Variants in NBAS observed in about 807,000 individuals in gnomAD.
NBAS encodes NBAS subunit of NRZ tethering complex, also known as NAG/BC035112 fusion.
In NBAS, 219 loss-of-function variants were observed where a neutral mutation model predicts 302.5. That is an observed-to-expected ratio of 0.72 (90% CI 0.65 to 0.81). The LOEUF is 0.81. NBAS is among the 30% of genes least tolerant of loss of function. The pLI, the probability that NBAS is intolerant of heterozygous loss-of-function variation, is 0.00. For missense variants in NBAS, 2,932 were observed against 2,841.6 expected, an observed-to-expected ratio of 1.03 and a Z score of -0.72; for synonymous variants, 1,118 against 1,021.6, an observed-to-expected ratio of 1.09 and a Z score of -1.80.
intron 38 of NBAS, among the ~76,000 whole-genome samples, chr2:15,323,913 A>G (rs1368518865): frequency 1.7e-3 from 152 of 90,702 alleles, no homozygotes; most frequent in African/African-American, 7.9e-3. Context: ...GTTTCTGAAA[A>G]AAAAAAAAAA....
At chr2:15,236,369 G>A (rs922553854) in intron 45 of NBAS, among the ~76,000 whole-genome samples, 4 of 151,616 alleles carry the variant, frequency 2.6e-5, no homozygotes, top group African/African-American at 9.7e-5. Flanking sequence ...GCAACATGGC[G>A]AAACTCTGTC....
At chr2:14,959,177 G>C in the NBAS span, among the ~76,000 whole-genome samples, 1 of 152,294 alleles carries the variant, frequency 6.6e-6, no homozygotes, top group African/African-American at 2.4e-5. Context: ...CAATGAAACT[G>C]TTCCCTCATC....
the NBAS span, among the ~76,000 whole-genome samples, chr2:14,988,523 C>T: frequency 6.6e-6 from 1 of 152,146 alleles, no homozygotes; most frequent in Non-Finnish European, 1.5e-5. Flanking sequence ...GGCTCCCTCC[C>T]TCATGAGGGA....
intron 8 of NBAS, among the ~76,000 whole-genome samples, chr2:15,535,129 A>T (rs1295082401): frequency 6.6e-6 from 1 of 152,244 alleles, no homozygotes; most frequent in Non-Finnish European, 1.5e-5. Flanking sequence ...CTTAGATAAA[A>T]GAGTACATAC....
chr2:14,798,257 A>T, the NBAS span, among the ~76,000 whole-genome samples: 2 of 152,182 alleles, frequency 1.3e-5, no homozygotes, highest in African/African-American at 4.8e-5. Context: ...AGATTGAGGA[A>T]GTTCCCTTTA....
At chr2:15,445,503 T>G (rs1678683171) in intron 21 of NBAS, among the ~76,000 whole-genome samples, 1 of 94,950 alleles carries the variant, frequency 1.1e-5, no homozygotes, top group South Asian at 4.4e-4. Context: ...TGGGGACTGT[T>G]GTGGGGTGGG....
At chr2:14,973,886 CA>C in the NBAS span, among the ~76,000 whole-genome samples, 2 of 152,160 alleles carry the variant, frequency 1.3e-5, no homozygotes, top group Non-Finnish European at 2.9e-5. Flanking sequence ...CAAGTCCTGA[CA>C]AAATAACTCC....
chr2:14,829,431 TAGG>T, the NBAS span, among the ~76,000 whole-genome samples: 32 of 152,156 alleles, frequency 2.1e-4, 1 homozygote, highest in African/African-American at 7.0e-4. Context: ...ACAAGGCAAC[TAGG>T]AGGTCACACC....
At chr2:15,475,079 C>T (rs1020456684) in intron 14 of NBAS, among the ~76,000 whole-genome samples, 1 of 152,172 alleles carries the variant, frequency 6.6e-6, no homozygotes, top group Admixed American at 6.5e-5. Flanking sequence ...TTAAAGATAA[C>T]TTTCATTCCA....
At chr2:15,261,707 T>C (rs1668861956) in intron 44 of NBAS, among the ~76,000 whole-genome samples, 2 of 152,154 alleles carry the variant, frequency 1.3e-5, no homozygotes, top group Non-Finnish European at 1.5e-5. Context: ...TTTATCTTCA[T>C]GGAGAGGGGC....
chr2:15,468,733 G>C (rs1412806306), intron 16 of NBAS, among the ~76,000 whole-genome samples, 200 bp from the exon 17 acceptor site: 4 of 152,208 alleles, frequency 2.6e-5, no homozygotes, highest in Non-Finnish European at 4.4e-5. Context: ...GGGAGTGTGA[G>C]TTGACCTGCT....
At chr2:15,384,237 G>A (rs1278018430) in intron 28 of NBAS, among the ~76,000 whole-genome samples, 1 of 152,184 alleles carries the variant, frequency 6.6e-6, no homozygotes, top group Non-Finnish European at 1.5e-5. Flanking sequence ...CATAGCAGGG[G>A]AAAGGGTTTT....
chr2:15,481,160 G>A (rs1459241509), intron 12 of NBAS, among the ~76,000 whole-genome samples: 6 of 152,076 alleles, frequency 3.9e-5, no homozygotes, highest in African/African-American at 7.2e-5. Context: ...TCAGCACTTC[G>A]TTCCTTTTTG....
chr2:15,183,427 C>T (rs556988742), intron 50 of NBAS, among the ~76,000 whole-genome samples: 1 of 152,314 alleles, frequency 6.6e-6, no homozygotes, highest in Non-Finnish European at 1.5e-5. Context: ...AACATGATAA[C>T]GACCTACTTT....
chr2:15,467,413 T>C lies in NBAS; in HGVS notation c.2019-6A>G, dbSNP rs1159308153. On this transcript the variant is annotated splice_region_variant and splice_polypyrimidine_tract_variant and intron_variant, in intron 18 of 51. Coordinates refer to ENST00000281513, the MANE Select transcript of NBAS (RefSeq NM_015909.4). Reference sequence around the variant, plus strand: ...CCTTTTGTTCCAGTGTCAACCTGTTTTGAATAACTATGTTAGGCCACTTAT... The same window carrying C: ...CCTTTTGTTCCAGTGTCAACCTGTTCTGAATAACTATGTTAGGCCACTTAT... 1.9e-6 allele frequency: 3 copies of C among 1,608,588 alleles called. No homozygotes were observed. The highest frequency in any genetic ancestry group is 1.7e-6 in the Non-Finnish European group (2 of 1,175,110).
chr2:15,404,508 T>C (rs562459498), intron 25 of NBAS, among the ~76,000 whole-genome samples: 1 of 152,072 alleles, frequency 6.6e-6, no homozygotes, highest in East Asian at 1.9e-4. Flanking sequence ...CACTTTTTTT[T>C]TTAATTTTTT....
the NBAS span, among the ~76,000 whole-genome samples, chr2:15,076,463 T>C: frequency 6.6e-6 from 1 of 152,210 alleles, no homozygotes; most frequent in African/African-American, 2.4e-5. Flanking sequence ...TATAAAATTT[T>C]TGTGAAGGTG....
At position 15,467,706 on chromosome 2, in the gene NBAS, A is replaced by T. The variant is rs1216104842; in HGVS notation, c.1976T>A (p.Leu659His). Residue 659 changes from leucine to histidine, a missense_variant, in exon 18 of 52, where the codon CTC becomes CAC. Coordinates refer to ENST00000281513, the MANE Select transcript of NBAS (RefSeq NM_015909.4). ...EPAKNKKEKE[L>H]KKRQELLKLV... ...TTTCAGTAGTTCTTGTCTCTTCTTG[A>T]GCTCCTTTTCCTTTTTATTCTTGGC... The T allele has an allele frequency of 6.2e-7, 1 of 1,612,718 alleles. No homozygotes were observed. Among genetic ancestry groups the T allele is most frequent in the East Asian group, 2.2e-5 (1 of 44,770 alleles).
the NBAS span, among the ~76,000 whole-genome samples, chr2:14,864,554 A>G: frequency 6.6e-6 from 1 of 152,148 alleles, no homozygotes; most frequent in African/African-American, 2.4e-5. Flanking sequence ...ACTAAACATG[A>G]AAAACAGACC....
Sources: allele counts gnomAD v4.1 joint callset (sites outside exome capture counted in the v4.1 genomes callset), GRCh38; gene constraint gnomAD v4.1.1; transcripts MANE v1.5; gene names NCBI Gene and HGNC (gene_info 2026-07-23, HGNC 2026-07-21).